Variants in VPS13B observed in about 807,000 individuals in gnomAD.
VPS13B encodes the protein vacuolar protein sorting 13 homolog B, also known as intermembrane lipid transfer protein VPS13B.
Under a neutral mutation model 426.4 loss-of-function variants are expected in VPS13B, and 285 were observed. The observed-to-expected ratio is 0.67, with a 90% CI of 0.61 to 0.74. VPS13B has a LOEUF of 0.74. Ranked by LOEUF, VPS13B falls within the 30% of genes least tolerant of loss-of-function variation. The pLI, the probability that VPS13B is intolerant of heterozygous loss-of-function variation, is 0.00. For missense variants in VPS13B, 4,537 were observed against 4,782.6 expected (o/e 0.95, Z 1.51); for synonymous variants, 1,676 against 1,676.4 (o/e 1.00, Z 0.01).
intron 21 of VPS13B, among the ~76,000 whole-genome samples, chr8:99,426,233 G>C (rs1229843867): frequency 9.4e-5 from 13 of 137,756 alleles, no homozygotes; most frequent in Non-Finnish European, 4.7e-5. Flanking sequence ...CCCTACAAAG[G>C]ACATGAACTC....
At chr8:99,592,581 A>T (rs1826749009) in intron 33 of VPS13B, among the ~76,000 whole-genome samples, 1 of 151,932 alleles carries the variant, frequency 6.6e-6, no homozygotes, top group Admixed American at 6.6e-5. Flanking sequence ...TTCAAATGGA[A>T]CCAAAACAGA....
chr8:99,142,654 C>T (rs1362715582), intron 12 of VPS13B, among the ~76,000 whole-genome samples: 1 of 152,106 alleles, frequency 6.6e-6, no homozygotes, highest in African/African-American at 2.4e-5. Flanking sequence ...CCCTCTCAGT[C>T]AATGCATATT....
chr8:99,496,295 T>C (rs3105174), intron 25 of VPS13B, among the ~76,000 whole-genome samples: 26,761 of 152,180 alleles, frequency 0.18, 2,869 homozygotes, highest in East Asian at 0.39. Context: ...ATAATTATAC[T>C]CATTAAAATT....
intron 3 of VPS13B, among the ~76,000 whole-genome samples, chr8:99,042,271 CTTTTT>C: frequency 6.6e-6 from 1 of 152,216 alleles, no homozygotes; most frequent in East Asian, 1.9e-4. Context: ...CATCTTTCTC[CTTTTT>C]AGCTTAACTT....
chr8:99,801,780 T>G (rs1174565442), intron 43 of VPS13B, among the ~76,000 whole-genome samples: 1 of 152,198 alleles, frequency 6.6e-6, no homozygotes, highest in Non-Finnish European at 1.5e-5. Flanking sequence ...TGTCTAGTTC[T>G]TTTCTGTACC....
intron 39 of VPS13B, among the ~76,000 whole-genome samples, chr8:99,723,521 C>G (rs1374903035): frequency 6.6e-6 from 1 of 152,036 alleles, no homozygotes. Flanking sequence ...TGGTCCCTAG[C>G]ATTTTGGATA....
At chr8:99,873,140 G>T (rs943254051) in intron 61 of VPS13B, 12 of 152,128 alleles carry the variant, frequency 7.9e-5, no homozygotes, top group African/African-American at 2.9e-4. Context: ...AACCTCCAAG[G>T]CCCTGTGACC....
At chr8:99,634,116 G>A (rs1828975062) in intron 33 of VPS13B, among the ~76,000 whole-genome samples, 1 of 151,458 alleles carries the variant, frequency 6.6e-6, no homozygotes, top group Non-Finnish European at 1.5e-5. Context: ...ATGTATAAAG[G>A]GACAAACACA....
intron 19 of VPS13B, among the ~76,000 whole-genome samples, chr8:99,355,819 C>A (rs182807524): frequency 2.8e-4 from 43 of 152,228 alleles, no homozygotes; most frequent in Admixed American, 2.4e-3. Context: ...TCATCCAGTT[C>A]TCTTTTCTAT....
At chr8:99,169,802 C>A (rs1812222220) in intron 15 of VPS13B, among the ~76,000 whole-genome samples, 1 of 151,878 alleles carries the variant, frequency 6.6e-6, no homozygotes, top group Admixed American at 6.6e-5. Flanking sequence ...AAAAATTTGT[C>A]AAAAGAGCAG....
chr8:99,692,013 C>A (rs1050212222), intron 35 of VPS13B, among the ~76,000 whole-genome samples: 1 of 151,638 alleles, frequency 6.6e-6, no homozygotes, highest in Admixed American at 6.6e-5. Context: ...TATATATGCA[C>A]CCAATACAGG....
intron 32 of VPS13B, among the ~76,000 whole-genome samples, chr8:99,576,001 G>T (rs570151073): frequency 6.6e-6 from 1 of 152,092 alleles, no homozygotes; most frequent in Admixed American, 6.5e-5. Flanking sequence ...AATCTTATTT[G>T]CTACTCCTCA....
intron 17 of VPS13B, among the ~76,000 whole-genome samples, chr8:99,238,860 T>C (rs1816770444): frequency 6.6e-6 from 1 of 152,092 alleles, no homozygotes; most frequent in East Asian, 1.9e-4. Flanking sequence ...TTTATTTATA[T>C]GTTATATGGT....
chr8:99,678,483 A>G lies in VPS13B; in HGVS notation c.6046+16992A>G, dbSNP rs138547302. Among the ~76,000 whole-genome samples the G allele has an allele frequency of 5.9e-4, 90 of 152,108 alleles. 1 individual carries two copies. The highest frequency in any genetic ancestry group is 3.4e-3 in the Middle Eastern group (1 of 294). On this transcript the variant is annotated intron_variant, in intron 35 of 61. Transcript: ENST00000357162. The stretch of plus-strand genomic sequence containing the variant: ...ACCCCCTTCCTCAGTTGATCCAGTC[A>G]AAACTCTCCTCAGCCCCCAACCCTT...
intron 54 of VPS13B, among the ~76,000 whole-genome samples, chr8:99,840,935 A>G (rs1815651417): frequency 1.3e-5 from 2 of 152,198 alleles, no homozygotes; most frequent in African/African-American, 4.8e-5. Context: ...TCACCTTCCC[A>G]GTACTCCAGG....
At chr8:99,412,175 C>T (rs543965185) in intron 21 of VPS13B, among the ~76,000 whole-genome samples, 1 of 152,316 alleles carries the variant, frequency 6.6e-6, no homozygotes, top group East Asian at 1.9e-4. Context: ...TTCCTCCTAT[C>T]CATGAGTATG....
At chr8:99,317,977 T>G (rs1809764181) in intron 19 of VPS13B, among the ~76,000 whole-genome samples, 1 of 152,190 alleles carries the variant, frequency 6.6e-6, no homozygotes, top group East Asian at 1.9e-4. Flanking sequence ...CCAACTGTGT[T>G]TTTTTGGGGG....
chr8:99,268,496 T>C (rs907657824), intron 17 of VPS13B, among the ~76,000 whole-genome samples: 2 of 152,216 alleles, frequency 1.3e-5, no homozygotes, highest in Non-Finnish European at 2.9e-5. Flanking sequence ...ATATGAGACA[T>C]GGAGTAAAAG....
chr8:99,383,107 A>G (rs1178142404), intron 19 of VPS13B, among the ~76,000 whole-genome samples: 1 of 152,224 alleles, frequency 6.6e-6, no homozygotes, highest in Non-Finnish European at 1.5e-5. Flanking sequence ...TGAGAATTGT[A>G]TACTCTGCTT....
Sources: gnomAD v4.1 joint callset for allele counts (sites outside exome capture counted in the v4.1 genomes callset) on GRCh38, gnomAD v4.1.1 for gene constraint, MANE v1.5 for transcripts, NCBI Gene and HGNC (gene_info 2026-07-23, HGNC 2026-07-21) for gene names.